The following KCNC2 variants were observed in gnomAD, a reference collection of about 807,000 sequenced individuals.
The protein encoded by KCNC2 is potassium voltage-gated channel subfamily C member 2.
KCNC2 carries 21 observed loss-of-function variants against 44.5 expected under a neutral mutation model. That is an observed-to-expected ratio of 0.47 (90% CI 0.33 to 0.68). The LOEUF (loss-of-function observed/expected upper bound fraction) is 0.68. KCNC2 is among the 30% of genes least tolerant of loss of function. The pLI is 0.01. For missense variants in KCNC2, 589 were observed against 826.2 expected, an observed-to-expected ratio of 0.71 and a Z score of 3.52; for synonymous variants, 391 against 339.1, an observed-to-expected ratio of 1.15 and a Z score of -1.68.
chr12:75,196,158 T>A (rs1405115802), intron 2 of KCNC2, among the ~76,000 whole-genome samples: 2 of 152,142 alleles, frequency 1.3e-5, no homozygotes, highest in African/African-American at 2.4e-5. Context: ...ACTATCATCA[T>A]CCTTTGGTTG....
chr12:75,100,887 A>G (rs1047231520), intron 2 of KCNC2, among the ~76,000 whole-genome samples: 1 of 152,118 alleles, frequency 6.6e-6, no homozygotes, highest in African/African-American at 2.4e-5. Context: ...AAGCTTATTG[A>G]GAGATATCTT....
intron 2 of KCNC2, among the ~76,000 whole-genome samples, chr12:75,101,760 G>A (rs1886390456): frequency 6.6e-6 from 1 of 151,992 alleles, no homozygotes; most frequent in South Asian, 2.1e-4. Context: ...CAGCACCAGT[G>A]AAAAAGGATG....
rs950355650 is a variant in KCNC2 at position 75,207,741 on chromosome 12, G to A, written c.243C>T (p.Gly81=). Residue 81 remains glycine, a synonymous_variant, in exon 2 of 5, where the codon GGC becomes GGT. Transcript: ENST00000549446. The surrounding 1 kb of genome is among the most constrained non-coding windows in gnomAD (Gnocchi z 4.1). The part of the protein sequence containing the change: ...SPGPGGCFEG[G]AGNCSSRGGR... The stretch of plus-strand genomic sequence containing the variant: ...CGCCGCGGGAACTGCAGTTGCCCGC[G>A]CCGCCCTCGAAGCAGCCGCCTGGCC... 2 of 1,567,234 alleles carry A rather than the reference G, an allele frequency of 1.3e-6. No individual in the cohort carries two copies. The highest frequency in any genetic ancestry group is 1.7e-6 in the Non-Finnish European group (2 of 1,156,552).
intron 2 of KCNC2, among the ~76,000 whole-genome samples, chr12:75,115,604 A>C (rs1222007980): frequency 6.6e-6 from 1 of 152,176 alleles, no homozygotes; most frequent in Non-Finnish European, 1.5e-5. Flanking sequence ...TCCTCTGCAT[A>C]TCAAAGTCTT....
At chr12:75,084,525 T>G (rs1884830982) in intron 2 of KCNC2, among the ~76,000 whole-genome samples, 1 of 151,872 alleles carries the variant, frequency 6.6e-6, no homozygotes, top group African/African-American at 2.4e-5. Flanking sequence ...TATCAGGGGT[T>G]TCTGCTTTTG....
intron 2 of KCNC2, among the ~76,000 whole-genome samples, chr12:75,132,499 C>A (rs1000101442): frequency 2.0e-5 from 3 of 152,010 alleles, no homozygotes; most frequent in South Asian, 4.1e-4. Flanking sequence ...ACAATTTTTA[C>A]TATAAAACTA....
intron 3 of KCNC2, 77 bp from the exon 4 acceptor site, chr12:75,048,394 G>A (rs1880781754): frequency 1.6e-6 from 2 of 1,220,392 alleles, no homozygotes; most frequent in Admixed American, 2.8e-5. Flanking sequence ...TACACAGAAT[G>A]CCGGTAGTCC....
Position 75,094,302 on chromosome 12 carries a change from A to T in KCNC2, c.688-42985T>A, listed in dbSNP as rs576447947. On this transcript the variant is annotated intron_variant, in intron 2 of 4. Coordinates refer to ENST00000549446, the MANE Select transcript of KCNC2 (RefSeq NM_139137.4). ...GTATTTCATCAGCTAATATTTTAGA[A>T]ATGGACCTCCATAAAATATTCCTTT... Among the ~76,000 whole-genome samples, 3 of 151,818 alleles carry T rather than the reference A, an allele frequency of 2.0e-5. No homozygotes were observed. The East Asian group carries it at 5.8e-4, about 29-fold the overall frequency.
chr12:75,178,526 G>T (rs564677649), intron 2 of KCNC2, among the ~76,000 whole-genome samples: 1 of 151,950 alleles, frequency 6.6e-6, no homozygotes, highest in Non-Finnish European at 1.5e-5. Flanking sequence ...AGACTTCATT[G>T]TAGATTGAAA....
At chr12:75,176,338 G>C (rs531316519) in intron 2 of KCNC2, among the ~76,000 whole-genome samples, 8 of 152,076 alleles carry the variant, frequency 5.3e-5, no homozygotes, top group African/African-American at 1.4e-4. Context: ...CGTCCTCCCT[G>C]GTGTGGGCTA....
chr12:75,107,448 C>T (rs1419765274), intron 2 of KCNC2, among the ~76,000 whole-genome samples: 1 of 151,862 alleles, frequency 6.6e-6, no homozygotes, highest in Admixed American at 6.6e-5. Context: ...TATTTTTCAG[C>T]GTCTATGTGT....
Position 75,041,033 on chromosome 12 carries a change from C to A in KCNC2, c.*2072G>T. 7.7e-7 allele frequency: 1 copy of A among 1,306,996 alleles called. No individual in the cohort carries two copies. Among genetic ancestry groups the A allele is most frequent in the Non-Finnish European group, 1.1e-6 (1 of 918,854 alleles). 81.0% of individuals were successfully genotyped at this position (1,306,996 alleles called of 1,614,324 possible). A position where few individuals can be genotyped will look rare whatever the true frequency, so the allele number is the denominator to read the frequency against. ...CACCAGATGAGTTCCAGCCGCAGTTCTTTTATAAGCTTTAAGTGCCTCATG... is the reference window on the plus strand; with the variant it reads ...CACCAGATGAGTTCCAGCCGCAGTTATTTTATAAGCTTTAAGTGCCTCATG... On this transcript the variant is annotated 3_prime_UTR_variant, in exon 5 of 5. Transcript: ENST00000549446.
At chr12:75,187,647 T>G (rs1893043072) in intron 2 of KCNC2, among the ~76,000 whole-genome samples, 1 of 152,188 alleles carries the variant, frequency 6.6e-6, no homozygotes, top group Non-Finnish European at 1.5e-5. Context: ...AGAAGCAACC[T>G]TACTTGGAAT....
chr12:75,120,203 C>G (rs1052638093), intron 2 of KCNC2, among the ~76,000 whole-genome samples: 5 of 152,310 alleles, frequency 3.3e-5, no homozygotes, highest in Non-Finnish European at 5.9e-5. Context: ...CCCAAATACT[C>G]TATCATTTTA....
At chr12:75,093,626 A>AGATGCT (rs779642285) in intron 2 of KCNC2, among the ~76,000 whole-genome samples, 15 of 151,762 alleles carry the variant, frequency 9.9e-5, no homozygotes, top group Non-Finnish European at 1.8e-4. Context: ...AAGTGGTCAA[A>AGATGCT]GATGCTTAAT....
chr12:75,140,027 A>C (rs913182443), intron 2 of KCNC2: 1 of 152,170 alleles, frequency 6.6e-6, no homozygotes, highest in Admixed American at 6.5e-5. Flanking sequence ...TAAGAATCAT[A>C]TATTAACTAG....
intron 2 of KCNC2, among the ~76,000 whole-genome samples, chr12:75,097,264 T>C (rs114776032): frequency 7.7e-4 from 117 of 152,186 alleles, no homozygotes; most frequent in African/African-American, 2.4e-3. Flanking sequence ...GAGTGACAAA[T>C]AGGTGGAGCA....
chr12:75,155,838 G>C (rs1890719995), intron 2 of KCNC2, among the ~76,000 whole-genome samples: 1 of 151,770 alleles, frequency 6.6e-6, no homozygotes, highest in Admixed American at 6.6e-5. Context: ...TTATCAGTTT[G>C]TCTCACAATA....
chr12:75,130,962 C>T (rs1258200775), intron 2 of KCNC2, among the ~76,000 whole-genome samples: 1 of 151,862 alleles, frequency 6.6e-6, no homozygotes, highest in Non-Finnish European at 1.5e-5. Context: ...TGTTTGGGTG[C>T]ACCAATGCAA....
Sources: allele counts gnomAD v4.1 joint callset (sites outside exome capture counted in the v4.1 genomes callset), GRCh38; gene constraint gnomAD v4.1.1; non-coding constraint Gnocchi (gnomAD v3.1); transcripts MANE v1.5; gene names NCBI Gene and HGNC (gene_info 2026-07-23, HGNC 2026-07-21).